TENM4: variants seen among roughly 807,000 people sequenced by gnomAD.
TENM4 encodes the protein teneurin transmembrane protein 4, also known as teneurin-4.
Under a neutral mutation model 243.3 loss-of-function variants are expected in TENM4, and 82 were observed. The observed-to-expected ratio is 0.34, with a 90% confidence interval of 0.28 to 0.40. The LOEUF (loss-of-function observed/expected upper bound fraction) is 0.40. TENM4 is among the 10% of genes least tolerant of loss of function. The pLI is 1.00. For synonymous variants in TENM4, 1,412 were observed against 1,456.3 expected (o/e 0.97, Z 0.69); for missense variants, 3,138 against 3,673.3 (o/e 0.85, Z 3.77).
At chr11:79,297,072 T>C (rs1296206129) in intron 2 of TENM4, among the ~76,000 whole-genome samples, 1 of 152,196 alleles carries the variant, frequency 6.6e-6, no homozygotes, top group Non-Finnish European at 1.5e-5. Flanking sequence ...TTGCAGGACT[T>C]GAGCCCAGAA....
intron 10 of TENM4, among the ~76,000 whole-genome samples, chr11:78,861,320 C>G (rs560525595): frequency 6.6e-6 from 1 of 152,286 alleles, no homozygotes; most frequent in Admixed American, 6.5e-5. Flanking sequence ...GCTCAATATT[C>G]TCCTTTTGAA....
intron 4 of TENM4, among the ~76,000 whole-genome samples, chr11:79,111,132 AG>A (rs1861494339): frequency 1.3e-5 from 2 of 152,250 alleles, no homozygotes; most frequent in Admixed American, 1.3e-4. Flanking sequence ...TGGTTTTATA[AG>A]GGGAAACCCC....
intron 22 of TENM4, among the ~76,000 whole-genome samples, chr11:78,726,698 A>C (rs1454235096): frequency 6.6e-6 from 1 of 151,948 alleles, no homozygotes; most frequent in Non-Finnish European, 1.5e-5. Flanking sequence ...CAGATGTTTA[A>C]AAGTGTGTAG....
At chr11:78,741,234 A>G (rs764345611) in intron 19 of TENM4, among the ~76,000 whole-genome samples, 37 of 152,212 alleles carry the variant, frequency 2.4e-4, no homozygotes, top group Admixed American at 6.5e-4. Context: ...GGGCTTCCCA[A>G]TGCTTGCTTT....
At chr11:79,311,666 G>A (rs1003403994) in intron 1 of TENM4, among the ~76,000 whole-genome samples, 8 of 152,232 alleles carry the variant, frequency 5.3e-5, no homozygotes, top group Middle Eastern at 3.4e-3. Flanking sequence ...TAACCTTCAT[G>A]ACTCTCCCAT....
At chr11:79,425,555 C>A (rs1859031427) in intron 1 of TENM4, among the ~76,000 whole-genome samples, 1 of 152,220 alleles carries the variant, frequency 6.6e-6, no homozygotes, top group East Asian at 1.9e-4. Flanking sequence ...TGGAGCCAGA[C>A]TGATCCAAAT....
intron 15 of TENM4, among the ~76,000 whole-genome samples, chr11:78,795,965 A>G (rs550264674): frequency 6.6e-6 from 1 of 152,140 alleles, no homozygotes; most frequent in East Asian, 1.9e-4. Context: ...TTCCCTCCCT[A>G]TCACCCGAGA....
intron 1 of TENM4, among the ~76,000 whole-genome samples, chr11:79,382,121 A>G (rs974646002): frequency 6.6e-6 from 1 of 152,218 alleles, no homozygotes; most frequent in African/African-American, 2.4e-5. Context: ...AGCAAATCAG[A>G]TAGGTACAGG....
intron 2 of TENM4, among the ~76,000 whole-genome samples, chr11:79,286,098 T>C (rs1856245787): frequency 6.6e-6 from 1 of 152,112 alleles, no homozygotes; most frequent in African/African-American, 2.4e-5. Flanking sequence ...ATAGGGAATG[T>C]GGAAAAAATG....
chr11:78,671,098 G>A (rs571081409), intron 31 of TENM4, among the ~76,000 whole-genome samples: 2 of 152,188 alleles, frequency 1.3e-5, no homozygotes, highest in African/African-American at 4.8e-5. Context: ...CTTACAGCAC[G>A]AAGACCATAT....
chr11:79,254,491 C>T (rs1855667634), intron 2 of TENM4, among the ~76,000 whole-genome samples: 1 of 152,132 alleles, frequency 6.6e-6, no homozygotes, highest in Non-Finnish European at 1.5e-5. Context: ...GCTGTGGCCA[C>T]CCTTGGAGAG....
chr11:78,922,823 A>C (rs1369195731), intron 6 of TENM4, among the ~76,000 whole-genome samples: 1 of 152,152 alleles, frequency 6.6e-6, no homozygotes, highest in African/African-American at 2.4e-5. Context: ...CGGAGGTAGA[A>C]GACTCTCAGG....
At position 79,064,830 on chromosome 11, in the gene TENM4, C is replaced by T. The variant is rs373725569; in HGVS notation, c.401G>A (p.Arg134Gln). Residue 134 changes from arginine (R) to glutamine (Q), a missense_variant, in exon 6 of 34, where the codon CGG (arginine) becomes CAG (glutamine). Arg to Gln is a conservative substitution (Grantham distance 43). Coordinates refer to ENST00000278550, the MANE Select transcript of TENM4 (RefSeq NM_001098816.3). ...SPEHPVRLWG[R>Q]STRSGRSSCL... Reference sequence around the variant, plus strand: ...GGAGCTGCGCCCTGACCGTGTGCTCCGGCCCCACAGACGCACGGGGTGCTC... The same window carrying T: ...GGAGCTGCGCCCTGACCGTGTGCTCTGGCCCCACAGACGCACGGGGTGCTC... The T allele has an allele frequency of 2.8e-5, 44 of 1,551,368 alleles. No individual in the cohort carries two copies. Among genetic ancestry groups the T allele is most frequent in the East Asian group, 4.9e-5 (2 of 40,928 alleles).
At chr11:78,763,018 CACTT>C (rs1438660565) in intron 18 of TENM4, among the ~76,000 whole-genome samples, 1 of 152,172 alleles carries the variant, frequency 6.6e-6, no homozygotes, top group African/African-American at 2.4e-5. Context: ...CTTCATATCT[CACTT>C]AATTATATAT....
chr11:78,973,244 A>G (rs955279674), intron 6 of TENM4, among the ~76,000 whole-genome samples: 1 of 152,234 alleles, frequency 6.6e-6, no homozygotes, highest in African/African-American at 2.4e-5. Flanking sequence ...CTTTTAAGGA[A>G]CTGCCAGATT....
chr11:79,271,445 T>C (rs1158893539), intron 2 of TENM4, among the ~76,000 whole-genome samples: 3 of 152,202 alleles, frequency 2.0e-5, no homozygotes, highest in Non-Finnish European at 4.4e-5. Flanking sequence ...AGGTCCATAA[T>C]CCATAAGAGA....
chr11:79,289,177 G>T (rs571819307), intron 2 of TENM4, among the ~76,000 whole-genome samples: 58 of 152,194 alleles, frequency 3.8e-4, no homozygotes, highest in Non-Finnish European at 7.2e-4. Flanking sequence ...AATTCCAGAT[G>T]ATTGATAATG....
chr11:79,131,086 TAA>T (rs1351911373), intron 4 of TENM4, among the ~76,000 whole-genome samples: 1 of 151,984 alleles, frequency 6.6e-6, no homozygotes, highest in Non-Finnish European at 1.5e-5. Flanking sequence ...AAAAGAAAAC[TAA>T]AAGCTTGGAA....
chr11:78,873,897 C>A (rs1345089540), intron 9 of TENM4, among the ~76,000 whole-genome samples: 1 of 151,930 alleles, frequency 6.6e-6, no homozygotes, highest in Non-Finnish European at 1.5e-5. Flanking sequence ...TGATACGATG[C>A]CCTCTGCTTG....
Sources: gnomAD v4.1 joint callset for allele counts (sites outside exome capture counted in the v4.1 genomes callset) on GRCh38, gnomAD v4.1.1 for gene constraint, MANE v1.5 for transcripts, NCBI Gene and HGNC (gene_info 2026-07-23, HGNC 2026-07-21) for gene names.